Variants in ATXN10 observed in about 807,000 individuals in gnomAD.
ATXN10 encodes ataxin-10.
ATXN10 carries 28 observed loss-of-function variants against 52.9 expected under a neutral mutation model. The ratio of observed to expected loss-of-function variants is 0.53; its 90% confidence interval spans 0.39 to 0.73. The LOEUF (loss-of-function observed/expected upper bound fraction) is 0.73, where lower values mean the gene tolerates loss of function less well. Among genes scored for constraint, ATXN10 ranks in the 30% least tolerant of loss-of-function variants. The probability of loss-of-function intolerance (pLI) is 0.00; values close to 1 mark genes in which losing one functional copy is unlikely to be tolerated. For synonymous variants in ATXN10, 226 were observed against 221.5 expected (o/e 1.02, Z -0.18); for missense variants, 565 against 577.0 (o/e 0.98, Z 0.21).
intron 6 of ATXN10, among the ~76,000 whole-genome samples, chr22:45,722,966 A>G (rs1415281443): frequency 6.6e-6 from 1 of 152,166 alleles, no homozygotes; most frequent in Non-Finnish European, 1.5e-5. Flanking sequence ...CTATTCAAGA[A>G]ATAGTGAACT....
rs374749859 is a variant in ATXN10, at chr22:45,802,878, T to C, written c.1174-4081T>C. Among the ~76,000 whole-genome samples, 4 of 152,360 alleles carry C rather than the reference T, an allele frequency of 2.6e-5. No homozygotes were observed. In the South Asian group the frequency reaches 6.2e-4, roughly 24 times the overall value. ...TTGAATAATAAATCCCGAATACTTT[T>C]ATTTCTCACTAATCAAAAAAAACCT... On this transcript the variant is annotated intron_variant, in intron 9 of 11. Transcript: ENST00000252934.
At chr22:45,736,280 C>A (rs970607838) in intron 7 of ATXN10, among the ~76,000 whole-genome samples, 2 of 152,084 alleles carry the variant, frequency 1.3e-5, no homozygotes, top group African/African-American at 4.8e-5. Context: ...TGCCAGTTGC[C>A]GTGGACTGAA....
chr22:45,766,027 G>C lies in ATXN10; in HGVS notation c.1173+25489G>C, dbSNP rs890043611. 6.6e-6 allele frequency among the ~76,000 whole-genome samples: 1 copy of C among 152,236 alleles called. No homozygotes were observed. Among genetic ancestry groups the C allele is most frequent in the African/African-American group, 2.4e-5 (1 of 41,464 alleles). On this transcript the variant is annotated intron_variant, in intron 9 of 11. Coordinates refer to ENST00000252934, the MANE Select transcript of ATXN10 (RefSeq NM_013236.4). The surrounding 1 kb of genome is among the most constrained non-coding windows in gnomAD (Gnocchi z 4.6). Reference sequence around the variant, plus strand: ...CCTGGCATTGGCACGTGAAGGGGCTGACAGGCTAATGGGGCACAGTAGAAA... The same window carrying C: ...CCTGGCATTGGCACGTGAAGGGGCTCACAGGCTAATGGGGCACAGTAGAAA...
At position 45,684,101 on chromosome 22, in the gene ATXN10, G is replaced by A. The variant is rs1321497805; in HGVS notation, c.117-5611G>A. Reference sequence around the variant, plus strand: ...CAAGTAGCTGGGACTACGAGGCACAGACCATCAAGCCCAGCTAATTAAAAC... The same window carrying A: ...CAAGTAGCTGGGACTACGAGGCACAAACCATCAAGCCCAGCTAATTAAAAC... On this transcript the variant is annotated intron_variant, in intron 1 of 11. Transcript: ENST00000252934. This position sits in a 1 kb window ranked among gnomAD's most constrained non-coding sequence, Gnocchi z 4.1. 6.6e-6 allele frequency among the ~76,000 whole-genome samples: 1 copy of A among 151,392 alleles called. No homozygotes were observed. The highest frequency in any genetic ancestry group is 2.4e-5 in the African/African-American group (1 of 41,148).
chr22:45,716,393 T>C (rs985269509), intron 5 of ATXN10, among the ~76,000 whole-genome samples: 4 of 149,920 alleles, frequency 2.7e-5, no homozygotes, highest in African/African-American at 9.9e-5. Flanking sequence ...TGGAGTGCAG[T>C]GGCATGATCT....
Position 45,680,954 on chromosome 22 carries a change from C to T in ATXN10, c.117-8758C>T, listed in dbSNP as rs903280063. Among the ~76,000 whole-genome samples the T allele has an allele frequency of 6.6e-5, 10 of 152,244 alleles. No homozygotes were observed. The South Asian group carries it at 1.7e-3, about 25-fold the overall frequency. On this transcript the variant is annotated intron_variant, in intron 1 of 11. Coordinates refer to ENST00000252934, the MANE Select transcript of ATXN10 (RefSeq NM_013236.4). ...TTGAAAGTGGGAGGCTGTTTTCTCT[C>T]CTGCACTCAGTACAATGCTTGGCTC...
At chr22:45,746,193 T>A (rs1165982991) in intron 9 of ATXN10, among the ~76,000 whole-genome samples, 2 of 151,808 alleles carry the variant, frequency 1.3e-5, no homozygotes, top group African/African-American at 2.4e-5. Flanking sequence ...AAGACTGAAT[T>A]TACAGTTGTT....
chr22:45,748,200 A>G (rs530699288), intron 9 of ATXN10, among the ~76,000 whole-genome samples: 1 of 152,076 alleles, frequency 6.6e-6, no homozygotes, highest in Admixed American at 6.6e-5. Context: ...AAAAGTATAT[A>G]ATGGATTGCC....
At chr22:45,767,498 A>G (rs1050528501) in intron 9 of ATXN10, among the ~76,000 whole-genome samples, 2 of 152,080 alleles carry the variant, frequency 1.3e-5, no homozygotes, top group Admixed American at 1.3e-4. Flanking sequence ...CCATGGAAGA[A>G]TAAACTAAAA....
At chr22:45,703,558 C>T (rs1200539171) in intron 5 of ATXN10, among the ~76,000 whole-genome samples, 1 of 152,174 alleles carries the variant, frequency 6.6e-6, no homozygotes, top group Non-Finnish European at 1.5e-5. Context: ...CAGTCCAAGG[C>T]AGGGCCAAGG....
At chr22:45,675,789 C>A (rs954006503) in intron 1 of ATXN10, 1 of 152,234 alleles carries the variant, frequency 6.6e-6, no homozygotes, top group African/African-American at 2.4e-5. Flanking sequence ...ATACACCAGT[C>A]TTAATTCTCC....
At chr22:45,731,326 G>C (rs1340225437) in intron 7 of ATXN10, among the ~76,000 whole-genome samples, 1 of 152,190 alleles carries the variant, frequency 6.6e-6, no homozygotes, top group Non-Finnish European at 1.5e-5. Context: ...TGTCACCTGG[G>C]TCTGGAAATG....
chr22:45,813,366 G>A (rs890629332), intron 10 of ATXN10, among the ~76,000 whole-genome samples: 53 of 149,900 alleles, frequency 3.5e-4, no homozygotes, highest in Non-Finnish European at 1.6e-4. Flanking sequence ...TTACTGGGGG[G>A]AGGGTGTGGG....
intron 6 of ATXN10, among the ~76,000 whole-genome samples, chr22:45,720,768 A>G (rs1275316971): frequency 1.3e-5 from 2 of 152,192 alleles, no homozygotes; most frequent in Non-Finnish European, 2.9e-5. Context: ...TGGTGCATCT[A>G]CTGTCTTAAT....
At chr22:45,743,057 G>A (rs1925598406) in intron 9 of ATXN10, among the ~76,000 whole-genome samples, 1 of 152,224 alleles carries the variant, frequency 6.6e-6, no homozygotes, top group Non-Finnish European at 1.5e-5. Flanking sequence ...GTCAGGATCA[G>A]ATTGCACCAT....
chr22:45,738,919 T>C (rs557393724), intron 8 of ATXN10, 80 bp downstream of exon 8: 2 of 1,251,430 alleles, frequency 1.6e-6, no homozygotes, highest in East Asian at 2.3e-5. Context: ...CAAATACAAA[T>C]CCTTAATTTT....
intron 10 of ATXN10, chr22:45,811,564 T>C (rs1601661262): frequency 2.8e-6 from 1 of 360,312 alleles, no homozygotes; most frequent in East Asian, 7.4e-5. Flanking sequence ...TTACATGCTA[T>C]ACAGTTCTAT....
In ATXN10 at chr22:45,841,559, C is replaced by T. The variant is rs1929347026; in HGVS notation, c.1238-1432C>T. The stretch of plus-strand genomic sequence containing the variant: ...CAGAGAGGACCCTGGGCCAGCTCAC[C>T]CGGTGTGTATTGGAGGGACTAAGAT... On this transcript the variant is annotated intron_variant, in intron 10 of 11. Transcript: ENST00000252934. This position sits in a 1 kb window ranked among gnomAD's most constrained non-coding sequence, Gnocchi z 5.1. Among the ~76,000 whole-genome samples, 1 of 152,182 alleles carries T rather than the reference C, an allele frequency of 6.6e-6. No homozygotes were observed. The highest frequency in any genetic ancestry group is 6.5e-5 in the Admixed American group (1 of 15,286).
At position 45,762,823 on chromosome 22, in the gene ATXN10, A is replaced by G. The variant is rs970661492; in HGVS notation, c.1173+22285A>G. Among the ~76,000 whole-genome samples the G allele has an allele frequency of 3.3e-5, 5 of 152,050 alleles. No individual in the cohort carries two copies. The highest frequency in any genetic ancestry group is 1.2e-4 in the African/African-American group (5 of 41,400). On this transcript the variant is annotated intron_variant, in intron 9 of 11. Transcript: ENST00000252934. The surrounding 1 kb of genome is among the most constrained non-coding windows in gnomAD (Gnocchi z 4.3). The stretch of plus-strand genomic sequence containing the variant: ...CCTTCCCCCTGTGTTTTGGCTCCAA[A>G]TTCCAAGTGAGAGTAATTGCGTGGC...
Sources: allele counts gnomAD v4.1 joint callset (sites outside exome capture counted in the v4.1 genomes callset), GRCh38; gene constraint gnomAD v4.1.1; non-coding constraint Gnocchi (gnomAD v3.1); transcripts MANE v1.5; gene names NCBI Gene and HGNC (gene_info 2026-07-23, HGNC 2026-07-21).